Variants in KALRN observed in about 807,000 individuals in gnomAD.
The protein encoded by KALRN is kalirin RhoGEF kinase.
In KALRN, 70 loss-of-function variants were observed where a neutral mutation model predicts 353.7. The observed-to-expected ratio is 0.20, with a 90% CI of 0.16 to 0.24. The LOEUF is 0.24. Among genes scored for constraint, KALRN ranks in the 10% least tolerant of loss-of-function variants. The pLI is 1.00. For missense variants in KALRN, 2,791 were observed against 3,756.7 expected (o/e 0.74, Z 6.72); for synonymous variants, 1,391 against 1,434.8 (o/e 0.97, Z 0.69).
intron 10 of KALRN, among the ~76,000 whole-genome samples, chr3:124,379,063 T>G (rs190645599): frequency 6.6e-6 from 1 of 152,196 alleles, no homozygotes; most frequent in African/African-American, 2.4e-5. Flanking sequence ...TCTGAAGTTA[T>G]CCCATAGCTC....
intron 1 of KALRN, among the ~76,000 whole-genome samples, chr3:124,213,721 A>C (rs900768206): frequency 6.6e-6 from 1 of 152,148 alleles, no homozygotes; most frequent in Non-Finnish European, 1.5e-5. Flanking sequence ...CCCTATTTGC[A>C]TACATGGAAA....
chr3:124,454,888 A>C (rs559528103), intron 21 of KALRN, among the ~76,000 whole-genome samples: 1 of 152,364 alleles, frequency 6.6e-6, no homozygotes, highest in South Asian at 2.1e-4. Flanking sequence ...GAACTTGCAT[A>C]TCTGGATTTT....
chr3:124,671,860 G>C lies in KALRN; in HGVS notation c.6904G>C (p.Glu2302Gln). The C allele has an allele frequency of 1.2e-6, 2 of 1,614,090 alleles. No individual in the cohort carries two copies. The highest frequency in any genetic ancestry group is 8.5e-7 in the Non-Finnish European group (1 of 1,180,014). The part of the protein sequence containing the change: ...ISTSNGSPGF[E>Q]YHQPGDKFEA... ...TACCTCCAATGGCAGTCCAGGGTTTGAATACCACCAGCCTGGGGACAAGTT... is the reference window on the plus strand; with the variant it reads ...TACCTCCAATGGCAGTCCAGGGTTTCAATACCACCAGCCTGGGGACAAGTT... Residue 2302 changes from glutamate (E) to glutamine (Q), a missense_variant, in exon 48 of 60, where the codon GAA becomes CAA. Glu to Gln is a conservative substitution (Grantham distance 29). Around this residue, in one of 11 missense-constraint regions of KALRN, gnomAD observed 1,065 missense variants for 1,156.4 expected, o/e 0.92. Transcript: ENST00000682506.
chr3:124,198,484 C>G (rs551648066), intron 1 of KALRN, among the ~76,000 whole-genome samples: 1 of 152,276 alleles, frequency 6.6e-6, no homozygotes, highest in South Asian at 2.1e-4. Flanking sequence ...TGGGAGGGCT[C>G]AAAGAGACAA....
chr3:124,091,695 A>G (rs1308754603), intron 1 of KALRN, among the ~76,000 whole-genome samples: 1 of 152,150 alleles, frequency 6.6e-6, no homozygotes, highest in African/African-American at 2.4e-5. Context: ...CTGTCCCTGG[A>G]AAACATGTCT....
chr3:124,461,682 A>G (rs2059878092), intron 23 of KALRN, among the ~76,000 whole-genome samples: 1 of 152,172 alleles, frequency 6.6e-6, no homozygotes, highest in African/African-American at 2.4e-5. Context: ...AAAGGGTTAC[A>G]GGGCCAATGG....
chr3:124,341,447 T>G (rs1008779263), intron 9 of KALRN, among the ~76,000 whole-genome samples: 2 of 152,172 alleles, frequency 1.3e-5, no homozygotes, highest in African/African-American at 4.8e-5. Flanking sequence ...CAGGCAAGGA[T>G]GCTGTGTGAT....
At position 124,714,743 on chromosome 3, in the gene KALRN, C is replaced by T. The variant is rs552606685; in HGVS notation, c.8276+1608C>T. 5.3e-5 allele frequency among the ~76,000 whole-genome samples: 8 copies of T among 152,212 alleles called. No homozygotes were observed. The East Asian group carries it at 5.8e-4, about 11-fold the overall frequency. ...TTTATAGGGGGAAAAGGGCTGGGCA[C>T]GATGGCTCACGCCTGTAATTCTAGC... On this transcript the variant is annotated intron_variant, in intron 58 of 59. Coordinates refer to ENST00000682506, the MANE Select transcript of KALRN (RefSeq NM_001388419.1).
Position 124,446,752 on chromosome 3 carries a change from T to C in KALRN, c.3430-11T>C, listed in dbSNP as rs1468967849. On this transcript the variant is annotated splice_polypyrimidine_tract_variant and intron_variant, in intron 20 of 59. Coordinates refer to ENST00000682506, the MANE Select transcript of KALRN (RefSeq NM_001388419.1). ...CTTTTTGGGGACTGGATGAGTTGTT[T>C]CCTCCCATAGGCGCTTGACTGGATC... The C allele has an allele frequency of 1.2e-5, 19 of 1,613,844 alleles. No individual in the cohort carries two copies. The Admixed American group carries it at 3.0e-4, about 25-fold the overall frequency.
At chr3:124,037,730 A>G (rs923600993) in intron 1 of KALRN, among the ~76,000 whole-genome samples, 3 of 152,172 alleles carry the variant, frequency 2.0e-5, no homozygotes, top group Admixed American at 6.5e-5. Flanking sequence ...TTTTAGAGGT[A>G]TAAGTGTGGG....
At chr3:124,580,384 G>GGGGGGGGGGT (rs1398227667) in intron 34 of KALRN, among the ~76,000 whole-genome samples, 11 of 148,664 alleles carry the variant, frequency 7.4e-5, no homozygotes, top group East Asian at 6.0e-4. Context: ...GGGGAGGGGG[G>GGGGGGGGGGT]ACTCAGGCAG....
At chr3:124,146,668 A>G (rs2067373693) in intron 1 of KALRN, among the ~76,000 whole-genome samples, 1 of 152,098 alleles carries the variant, frequency 6.6e-6, no homozygotes, top group Non-Finnish European at 1.5e-5. Context: ...ACTTGAGGCC[A>G]GGAGTTTGAG....
chr3:124,665,839 G>C (rs1401541012), intron 45 of KALRN, among the ~76,000 whole-genome samples: 1 of 152,168 alleles, frequency 6.6e-6, no homozygotes, highest in African/African-American at 2.4e-5. Flanking sequence ...CCTATCTATA[G>C]TACCCCCAAC....
intron 34 of KALRN, among the ~76,000 whole-genome samples, chr3:124,574,874 C>G (rs190172006): frequency 6.6e-6 from 1 of 152,210 alleles, no homozygotes; most frequent in Non-Finnish European, 1.5e-5. Flanking sequence ...AGGAGCAGCC[C>G]TTGCAGGCCA....
At chr3:124,036,679 A>C (rs897320421) in intron 1 of KALRN, among the ~76,000 whole-genome samples, 5 of 152,220 alleles carry the variant, frequency 3.3e-5, no homozygotes, top group Non-Finnish European at 5.9e-5. Context: ...AGAAAGCTTC[A>C]AACAAATTTT....
At chr3:124,205,507 A>G (rs1351574888) in intron 1 of KALRN, among the ~76,000 whole-genome samples, 1 of 152,220 alleles carries the variant, frequency 6.6e-6, no homozygotes, top group African/African-American at 2.4e-5. Context: ...ATGAAATAAT[A>G]TGAGAGGATT....
chr3:124,351,386 G>T (rs535411590), intron 10 of KALRN, among the ~76,000 whole-genome samples: 5 of 152,270 alleles, frequency 3.3e-5, no homozygotes, highest in African/African-American at 1.2e-4. Context: ...TCTGTGAAGG[G>T]ACCTCTTTTA....
chr3:124,347,404 T>C, intron 10 of KALRN, 139 bp downstream of exon 10: 1 of 1,333,238 alleles, frequency 7.5e-7, no homozygotes. Context: ...TGTGTGTGTG[T>C]CTAGATGAGG....
At chr3:124,659,827 A>C (rs333295) in intron 43 of KALRN, among the ~76,000 whole-genome samples, 72,746 of 133,802 alleles carry the variant, frequency 0.54, 18,250 homozygotes, top group African/African-American at 0.67. Context: ...CTTTAGAAAT[A>C]TTAGATTAGT....
Sources: allele counts gnomAD v4.1 joint callset (sites outside exome capture counted in the v4.1 genomes callset), GRCh38; gene constraint gnomAD v4.1.1; regional missense constraint gnomAD v4.1.1; transcripts MANE v1.5; gene names NCBI Gene and HGNC (gene_info 2026-07-23, HGNC 2026-07-21).